ACOT12: variants seen among roughly 807,000 people sequenced by gnomAD.
ACOT12 encodes acetyl-coenzyme A thioesterase.
Under a neutral mutation model 67.7 loss-of-function variants are expected in ACOT12, and 51 were observed. That is an observed-to-expected ratio of 0.75 (90% confidence interval 0.60 to 0.95). The LOEUF (loss-of-function observed/expected upper bound fraction) is 0.95, where lower values mean the gene tolerates loss of function less well. Ranked by LOEUF, ACOT12 falls within the 40% of genes least tolerant of loss-of-function variation. The probability of loss-of-function intolerance (pLI) is 0.00; values close to 1 mark genes in which losing one functional copy is unlikely to be tolerated. For missense variants in ACOT12, 734 were observed against 708.1 expected (o/e 1.04, Z -0.41); for synonymous variants, 251 against 244.6 (o/e 1.03, Z -0.24).
At chr5:81,386,880 G>T (rs1473221317) in intron 1 of ACOT12, among the ~76,000 whole-genome samples, 4 of 152,022 alleles carry the variant, frequency 2.6e-5, no homozygotes, top group Admixed American at 1.3e-4. Flanking sequence ...GTTCAAGGAA[G>T]GGAAAATGGA....
At chr5:81,334,723 C>T (rs1758942445) in intron 12 of ACOT12, among the ~76,000 whole-genome samples, 1 of 152,214 alleles carries the variant, frequency 6.6e-6, no homozygotes, top group Non-Finnish European at 1.5e-5. Context: ...TCAACTCTTC[C>T]GTGTCAACAA....
chr5:81,316,955 C>G, the ACOT12 span, among the ~76,000 whole-genome samples: 1 of 152,096 alleles, frequency 6.6e-6, no homozygotes, highest in South Asian at 2.1e-4. Flanking sequence ...TATACAAATT[C>G]TTTAACAGGT....
At chr5:81,349,109 T>G (rs960323902) in intron 5 of ACOT12, among the ~76,000 whole-genome samples, 5 of 152,170 alleles carry the variant, frequency 3.3e-5, no homozygotes, top group African/African-American at 1.2e-4. Flanking sequence ...GAGCTTGCAG[T>G]GTGAGAGGGA....
chr5:81,332,692 T>C, intron 12 of ACOT12, 87 bp from the exon 13 acceptor site: 2 of 1,515,926 alleles, frequency 1.3e-6, no homozygotes, highest in Non-Finnish European at 1.8e-6. Context: ...ATCTCATTAT[T>C]TGTATCCATA....
intron 5 of ACOT12, among the ~76,000 whole-genome samples, chr5:81,353,461 A>G (rs1160736948): frequency 6.6e-6 from 1 of 152,156 alleles, no homozygotes; most frequent in Admixed American, 6.5e-5. Context: ...TGACAACTTT[A>G]CATTCACTCT....
At position 81,343,833 on chromosome 5, in the gene ACOT12, C is replaced by G. The variant is rs759795766; in HGVS notation, c.1029G>C (p.Trp343Cys). The G allele has an allele frequency of 1.2e-6, 2 of 1,612,816 alleles. No individual in the cohort carries two copies. The highest frequency in any genetic ancestry group is 2.2e-5 in the East Asian group (1 of 44,870). ...HKEEVPLCIH[W>C]DISKQASLSD... is the part of the protein sequence containing the mutation. ...AAAACATCACCTGCTTGCTGATATCCCAGTGTATGCAAAGTGGAACCTCTT... is the reference window on the plus strand; with the variant it reads ...AAAACATCACCTGCTTGCTGATATCGCAGTGTATGCAAAGTGGAACCTCTT... The change falls in exon 10 of 15, where the codon TGG (tryptophan) becomes TGC (cysteine). Residue 343 changes from tryptophan to cysteine, a missense_variant. By Grantham distance (215) the Trp-to-Cys change is radical. Transcript: ENST00000307624.
At chr5:81,373,474 GT>G (rs951680856) in intron 2 of ACOT12, among the ~76,000 whole-genome samples, 3 of 152,146 alleles carry the variant, frequency 2.0e-5, no homozygotes, top group African/African-American at 4.8e-5. Flanking sequence ...CTGCAGGAGT[GT>G]TTTTTTCATA....
At chr5:81,334,934 C>T (rs755021652) in intron 12 of ACOT12, among the ~76,000 whole-genome samples, 2 of 152,062 alleles carry the variant, frequency 1.3e-5, no homozygotes, top group African/African-American at 2.4e-5. Context: ...GGAGCAGGGA[C>T]ATCATCAGGA....
At chr5:81,334,408 A>G (rs1396796556) in intron 12 of ACOT12, among the ~76,000 whole-genome samples, 3 of 151,790 alleles carry the variant, frequency 2.0e-5, no homozygotes, top group Non-Finnish European at 4.4e-5. Context: ...GCTCAAAAAC[A>G]CTCCCCACGA....
chr5:81,347,708 C>G, intron 6 of ACOT12, 66 bp downstream of exon 6: 1 of 1,550,618 alleles, frequency 6.4e-7, no homozygotes, highest in African/African-American at 1.4e-5. Context: ...AGAACTGGAT[C>G]TCAGTCCCTT....
At chr5:81,364,587 C>A (rs924207678) in intron 3 of ACOT12, among the ~76,000 whole-genome samples, 1 of 152,010 alleles carries the variant, frequency 6.6e-6, no homozygotes, top group Non-Finnish European at 1.5e-5. Context: ...AGCACTACAC[C>A]CAGCTAATTT....
At chr5:81,382,538 TG>T (rs1295318326) in intron 2 of ACOT12, among the ~76,000 whole-genome samples, 1 of 152,210 alleles carries the variant, frequency 6.6e-6, no homozygotes, top group African/African-American at 2.4e-5. Flanking sequence ...GGCTCATGCC[TG>T]TAATCCCAGC....
At chr5:81,373,371 G>A (rs755018013) in intron 2 of ACOT12, among the ~76,000 whole-genome samples, 12 of 152,310 alleles carry the variant, frequency 7.9e-5, no homozygotes, top group Non-Finnish European at 1.2e-4. Flanking sequence ...TTTGCAACCC[G>A]CAGACCAGGA....
At chr5:81,359,819 G>T in intron 5 of ACOT12, 84 bp downstream of exon 5, 1 of 1,408,658 alleles carries the variant, frequency 7.1e-7, no homozygotes, top group Non-Finnish European at 9.6e-7. Flanking sequence ...GTAATAATAA[G>T]GTGAAAATAA....
At chr5:81,317,363 G>A in the ACOT12 span, among the ~76,000 whole-genome samples, 3 of 152,034 alleles carry the variant, frequency 2.0e-5, no homozygotes, top group African/African-American at 7.2e-5. Flanking sequence ...TTAGCCAGGC[G>A]CAGTGGTGGG....
At chr5:81,373,250 G>A (rs773913703) in intron 2 of ACOT12, among the ~76,000 whole-genome samples, 51 of 152,312 alleles carry the variant, frequency 3.3e-4, no homozygotes, top group East Asian at 5.8e-4. Context: ...ACCCTACCAG[G>A]GAAGTGCAAG....
chr5:81,364,451 C>T (rs962106117), intron 3 of ACOT12, among the ~76,000 whole-genome samples: 24 of 150,278 alleles, frequency 1.6e-4, no homozygotes, highest in South Asian at 8.4e-4. Context: ...TGTTTTGAGA[C>T]GGAGTCTTGC....
At chr5:81,324,193 G>A in the ACOT12 span, among the ~76,000 whole-genome samples, 2 of 152,084 alleles carry the variant, frequency 1.3e-5, no homozygotes, top group Admixed American at 1.3e-4. Context: ...TGCCTGCCTT[G>A]GCCTCCCAAA....
At chr5:81,391,738 T>C (rs912855812) in intron 1 of ACOT12, among the ~76,000 whole-genome samples, 18 of 152,198 alleles carry the variant, frequency 1.2e-4, no homozygotes, top group African/African-American at 4.1e-4. Context: ...AACATGATGA[T>C]AGCTTGGAGT....
Sources: allele counts gnomAD v4.1 joint callset (sites outside exome capture counted in the v4.1 genomes callset), GRCh38; gene constraint gnomAD v4.1.1; transcripts MANE v1.5; gene names NCBI Gene and HGNC (gene_info 2026-07-23, HGNC 2026-07-21).